The following C2CD2L variants were observed in gnomAD, a reference collection of about 807,000 sequenced individuals.
The protein encoded by C2CD2L is C2CD2 like.
In C2CD2L, 24 loss-of-function variants were observed where a neutral mutation model predicts 69.9. The ratio of observed to expected loss-of-function variants is 0.34; its 90% confidence interval spans 0.25 to 0.48. C2CD2L has a LOEUF of 0.48. Among genes scored for constraint, C2CD2L ranks in the 20% least tolerant of loss-of-function variants. The probability of loss-of-function intolerance (pLI) is 0.99; values close to 1 mark genes in which losing one functional copy is unlikely to be tolerated. For synonymous variants in C2CD2L, 367 were observed against 391.0 expected (o/e 0.94, Z 0.72); for missense variants, 811 against 941.5 (o/e 0.86, Z 1.81).
chr11:119,112,897 C>T, intron 10 of C2CD2L, 23 bp downstream of exon 10: 1 of 1,609,138 alleles, frequency 6.2e-7, no homozygotes, highest in Non-Finnish European at 8.5e-7. Context: ...AGCCTGGGAG[C>T]CCAGCTCTAG....
chr11:119,113,439 C>G (rs1227512570), intron 10 of C2CD2L, 172 bp from the exon 11 acceptor site: 17 of 945,190 alleles, frequency 1.8e-5, no homozygotes, highest in Non-Finnish European at 2.6e-5. Context: ...CCCATTAGCT[C>G]CTGGGGTGTC....
At chr11:119,103,172 T>C (rs533872924), upstream of C2CD2L, among the ~76,000 whole-genome samples, 1 of 152,242 alleles carries the variant, frequency 6.6e-6, no homozygotes, top group South Asian at 2.1e-4. Context: ...AGTACAGGCG[T>C]GAGCCACCAC....
In C2CD2L at chr11:119,115,837, G is replaced by A. The variant is rs565080058; in HGVS notation, c.1910-208G>A. 757 of 596,432 alleles carry A rather than the reference G, an allele frequency of 1.3e-3. 15 individuals are homozygous for A. In the South Asian group the frequency reaches 0.015, roughly 12 times the overall value. The allele number at this position is 596,432 out of a possible 1,614,324, so 36.9% of individuals were successfully genotyped here. A position where few individuals can be genotyped will look rare whatever the true frequency, so the allele number is the denominator to read the frequency against. On this transcript the variant is annotated intron_variant, in intron 13 of 13. Coordinates refer to ENST00000648610, the MANE Select transcript of C2CD2L (RefSeq NM_001290474.2). ...CTCAGGAAGGATAAAGCACATGTTT[G>A]TTTCTGCTTTCGTTTTCTTTTTTCT...
chr11:119,107,949 C>T lies in C2CD2L; in HGVS notation c.208C>T (p.Leu70=). ...LRELGVWRSL[L]RLRATRAGAA... ...GGAGCTGGGCGTGTGGCGCTCGCTG[C>T]TGCGGCTGCGGGCGACTCGGGCTGG... is the stretch of plus-strand genomic sequence containing the variant. Residue 70 remains leucine, a synonymous_variant, in exon 1 of 14, where the codon CTG becomes TTG. Transcript: ENST00000648610. The surrounding 1 kb of genome is among the most constrained non-coding windows in gnomAD (Gnocchi z 5.4). 6.5e-7 allele frequency: 1 copy of T among 1,548,972 alleles called. No homozygotes were observed. Among genetic ancestry groups the T allele is most frequent in the East Asian group, 2.6e-5 (1 of 38,732 alleles).
chr11:119,108,700 G>T (rs1172430181), intron 1 of C2CD2L, among the ~76,000 whole-genome samples: 2 of 152,192 alleles, frequency 1.3e-5, no homozygotes, highest in East Asian at 3.8e-4. Flanking sequence ...TCACAAACCA[G>T]TCCAGCCTAC....
In C2CD2L at chr11:119,112,383, T is replaced by G. The variant is rs1946768291; in HGVS notation, c.1075T>G (p.Cys359Gly). Residue 359 changes from cysteine (C) to glycine (G), a missense_variant, in exon 8 of 14, where the codon TGT becomes GGT. Transcript: ENST00000648610. ...CCTCAAAGTGCTGAGGAGCAGCAGC[T>G]GTGGAGACAGTAAGTGAGGGGTGGG... ...LTLKVLRSSSCGDTELLGQAT... is the reference protein window; with the variant it reads ...LTLKVLRSSSGGDTELLGQAT... 1.2e-6 allele frequency: 2 copies of G among 1,613,750 alleles called. No individual in the cohort carries two copies.
chr11:119,107,007 C>T (rs79548329), upstream of C2CD2L: 247 of 152,364 alleles, frequency 1.6e-3, 6 homozygotes, highest in East Asian at 0.027. The surrounding 1 kb of genome is among the most constrained non-coding windows in gnomAD (Gnocchi z 5.4). Flanking sequence ...GTCGCTGAGT[C>T]TGGGGGTGTT....
At chr11:119,104,890 A>G (rs1331159502), upstream of C2CD2L, among the ~76,000 whole-genome samples, 1 of 152,226 alleles carries the variant, frequency 6.6e-6, no homozygotes, top group Non-Finnish European at 1.5e-5. Flanking sequence ...CTGTCCAGTC[A>G]GCTGAATCAC....
chr11:119,102,760 T>C (rs1011228121), upstream of C2CD2L, among the ~76,000 whole-genome samples: 2 of 151,912 alleles, frequency 1.3e-5, no homozygotes, highest in African/African-American at 4.8e-5. Context: ...GAACTCCCAG[T>C]CAGGTTTCTT....
Position 119,118,014 on chromosome 11 carries a change from T to G in C2CD2L, c.*1758T>G, listed in dbSNP as rs1244998999. On this transcript the variant is annotated 3_prime_UTR_variant, in exon 14 of 14. Transcript: ENST00000648610. ...ATGTGGAAATTGTTACTATTCCCCA[T>G]GCTCCTGTCCACACTACTCACCAAA... 6.6e-6 allele frequency: 1 copy of G among 152,212 alleles called. No homozygotes were observed. The highest frequency in any genetic ancestry group is 1.5e-5 in the Non-Finnish European group (1 of 68,038). The allele number at this position is 152,212 out of a possible 1,614,324, so 9.4% of individuals were successfully genotyped here.
At chr11:119,111,737 A>G in intron 7 of C2CD2L, 108 bp downstream of exon 7, 1 of 754,128 alleles carries the variant, frequency 1.3e-6, no homozygotes. Context: ...CTTTGGCGTG[A>G]GCTCCTATTG....
upstream of C2CD2L, among the ~76,000 whole-genome samples, chr11:119,103,040 C>G (rs1046167688): frequency 4.6e-5 from 7 of 151,658 alleles, no homozygotes; most frequent in African/African-American, 1.7e-4. Flanking sequence ...TACAGGCATG[C>G]GCCACCACGC....
upstream of C2CD2L, among the ~76,000 whole-genome samples, chr11:119,106,290 G>C (rs1404601288): frequency 6.6e-6 from 1 of 152,212 alleles, no homozygotes; most frequent in Non-Finnish European, 1.5e-5. Flanking sequence ...TTGGGTTTGG[G>C]AGAAAGATAC....
rs1339512338 is a variant in C2CD2L, at chr11:119,107,455, G to C, written c.-287G>C. On this transcript the variant is annotated 5_prime_UTR_variant, in exon 1 of 14. Coordinates refer to ENST00000648610, the MANE Select transcript of C2CD2L (RefSeq NM_001290474.2). The surrounding 1 kb of genome is among the most constrained non-coding windows in gnomAD (Gnocchi z 5.4). ...CTCCAGGGTCCGGCGGGGCCCGCGC[G>C]GTGGGAGGAGTCGGGCACTGGCCGG... 3.3e-6 allele frequency: 1 copy of C among 301,362 alleles called. No individual in the cohort carries two copies. The highest frequency in any genetic ancestry group is 6.1e-6 in the Non-Finnish European group (1 of 164,272). 18.7% of individuals were successfully genotyped at this position (301,362 alleles called of 1,614,324 possible).
In C2CD2L at chr11:119,110,112, C is replaced by T; in HGVS notation, c.363C>T (p.Ile121=). 6.2e-7 allele frequency: 1 copy of T among 1,612,692 alleles called. No homozygotes were observed. Among genetic ancestry groups the T allele is most frequent in the Non-Finnish European group, 8.5e-7 (1 of 1,178,628 alleles). ...CCACATTACTCCCTCAGAGCTCCATCCAAATCGCCTTTGAGGAGGTGCCCC... is the reference window on the plus strand; with the variant it reads ...CCACATTACTCCCTCAGAGCTCCATTCAAATCGCCTTTGAGGAGGTGCCCC... The part of the protein sequence containing the change: ...NEQACRNGSS[I]QIAFEEVPQL... Residue 121 remains isoleucine, a synonymous_variant, in exon 2 of 14, where the codon ATC becomes ATT. Coordinates refer to ENST00000648610, the MANE Select transcript of C2CD2L (RefSeq NM_001290474.2). The surrounding 1 kb of genome is among the most constrained non-coding windows in gnomAD (Gnocchi z 5.7).
chr11:119,108,074 C>T lies in C2CD2L; in HGVS notation c.333C>T (p.Asn111=), dbSNP rs747015943. The change falls in exon 1 of 14, where the codon AAC becomes AAT. Residue 111 remains asparagine, a synonymous_variant. Coordinates refer to ENST00000648610, the MANE Select transcript of C2CD2L (RefSeq NM_001290474.2). ...AGCGGGCTTGGGTGCGAGCGCTGAA[C>T]GAGCAGGCCTGCAGAAACGGGGTGA... is the stretch of plus-strand genomic sequence containing the variant. ...NWQRAWVRAL[N]EQACRNGSSI... 4 of 1,596,940 alleles carry T rather than the reference C, an allele frequency of 2.5e-6. No individual in the cohort carries two copies. Among genetic ancestry groups the T allele is most frequent in the Non-Finnish European group, 2.6e-6 (3 of 1,173,188 alleles).
In C2CD2L at chr11:119,109,633, T is replaced by C. The variant is rs1010497337; in HGVS notation, c.355-471T>C. ...CTTAGCTTCATTTCTGCAGCTCTTA[T>C]CTTGAACAAGGTGGCTCTACCACCT... On this transcript the variant is annotated intron_variant, in intron 1 of 13. Coordinates refer to ENST00000648610, the MANE Select transcript of C2CD2L (RefSeq NM_001290474.2). This position sits in a 1 kb window ranked among gnomAD's most constrained non-coding sequence, Gnocchi z 5.1. Among the ~76,000 whole-genome samples, 1 of 152,268 alleles carries C rather than the reference T, an allele frequency of 6.6e-6. No individual in the cohort carries two copies. The highest frequency in any genetic ancestry group is 1.5e-5 in the Non-Finnish European group (1 of 68,054).
chr11:119,115,990 C>A, intron 13 of C2CD2L, 55 bp from the exon 14 acceptor site: 1 of 1,441,064 alleles, frequency 6.9e-7, no homozygotes, highest in Non-Finnish European at 9.6e-7. Context: ...TCTCTGCCCC[C>A]GTCTCACCCC....
At chr11:119,108,553 T>C (rs1946652772) in intron 1 of C2CD2L, among the ~76,000 whole-genome samples, 2 of 152,220 alleles carry the variant, frequency 1.3e-5, no homozygotes, top group African/African-American at 4.8e-5. Context: ...GACAGTAATT[T>C]CACTGCTACA....
Sources: allele counts gnomAD v4.1 joint callset (sites outside exome capture counted in the v4.1 genomes callset), GRCh38; gene constraint gnomAD v4.1.1; non-coding constraint Gnocchi (gnomAD v3.1); transcripts MANE v1.5; gene names NCBI Gene and HGNC (gene_info 2026-07-23, HGNC 2026-07-21).